The following CPNE4 variants were observed in gnomAD, a reference collection of about 807,000 sequenced individuals.
The protein encoded by CPNE4 is copine-4.
A neutral mutation model predicts 67.9 loss-of-function variants in CPNE4; 25 were observed. The ratio of observed to expected loss-of-function variants is 0.37; its 90% CI spans 0.27 to 0.51. The LOEUF is 0.51. Among genes scored for constraint, CPNE4 ranks in the 20% least tolerant of loss-of-function variants. The pLI, the probability that CPNE4 is intolerant of heterozygous loss-of-function variation, is 0.93. For missense variants in CPNE4, 464 were observed against 690.8 expected (o/e 0.67, Z 3.68); for synonymous variants, 242 against 244.9 (o/e 0.99, Z 0.11).
chr3:131,863,079 G>A (rs1583352768), intron 2 of CPNE4, among the ~76,000 whole-genome samples: 1 of 152,036 alleles, frequency 6.6e-6, no homozygotes, highest in South Asian at 2.1e-4. Context: ...TGGTGTATAT[G>A]TGCCACATTT....
chr3:131,982,924 A>G (rs890473923), intron 1 of CPNE4, among the ~76,000 whole-genome samples: 1 of 152,076 alleles, frequency 6.6e-6, no homozygotes, highest in African/African-American at 2.4e-5. Context: ...TGCTTCTATT[A>G]AAGTGATAGA....
chr3:132,014,434 C>G (rs1257434435), intron 1 of CPNE4, among the ~76,000 whole-genome samples: 4 of 152,030 alleles, frequency 2.6e-5, no homozygotes, highest in Non-Finnish European at 4.4e-5. Flanking sequence ...GGGCTAGGGT[C>G]GCCTGAGGAG....
chr3:131,554,078 C>T (rs541456708), intron 12 of CPNE4, among the ~76,000 whole-genome samples: 1 of 152,212 alleles, frequency 6.6e-6, no homozygotes, highest in East Asian at 1.9e-4. Flanking sequence ...ATAGCTCTGT[C>T]CTCAGCCCTG....
In CPNE4 at chr3:131,955,138, G is replaced by A. The variant is rs1181913384; in HGVS notation, c.-1-49694C>T. 2.0e-5 allele frequency among the ~76,000 whole-genome samples: 3 copies of A among 151,334 alleles called. 1 individual carries two copies. Among genetic ancestry groups the A allele is most frequent in the Non-Finnish European group, 4.4e-5 (3 of 67,876 alleles). On this transcript the variant is annotated intron_variant, in intron 1 of 15. Transcript: ENST00000429747. ...TGTTTTGTTTTACTTTTAGTGGGAA[G>A]GGCTAGGATTTTCAGTACAAGGTAG...
At chr3:131,577,752 A>C (rs953551568) in intron 9 of CPNE4, among the ~76,000 whole-genome samples, 1 of 152,092 alleles carries the variant, frequency 6.6e-6, no homozygotes, top group African/African-American at 2.4e-5. Flanking sequence ...CACTTAAGCT[A>C]CACTGAATTT....
At chr3:131,594,355 T>C (rs576925040) in intron 7 of CPNE4, among the ~76,000 whole-genome samples, 1 of 152,270 alleles carries the variant, frequency 6.6e-6, no homozygotes, top group Non-Finnish European at 1.5e-5. Context: ...GATAGGCAAA[T>C]AGACCAATAG....
At chr3:131,971,215 G>A (rs2072492668) in intron 1 of CPNE4, among the ~76,000 whole-genome samples, 1 of 152,090 alleles carries the variant, frequency 6.6e-6, no homozygotes, top group South Asian at 2.1e-4. Context: ...TTTCTTACAG[G>A]GTGGGTCAAA....
At chr3:131,605,583 G>A (rs1939453469) in intron 7 of CPNE4, among the ~76,000 whole-genome samples, 1 of 152,074 alleles carries the variant, frequency 6.6e-6, no homozygotes, top group Non-Finnish European at 1.5e-5. Flanking sequence ...ATTTTAAACA[G>A]AGAAATGACA....
Position 132,009,164 on chromosome 3 carries a change from C to T in CPNE4, c.-2+25403G>A, listed in dbSNP as rs540845946. 3.9e-5 allele frequency among the ~76,000 whole-genome samples: 6 copies of T among 152,288 alleles called. No homozygotes were observed. In the South Asian group the frequency reaches 6.2e-4, roughly 16 times the overall value. On this transcript the variant is annotated intron_variant, in intron 1 of 15. Transcript: ENST00000429747. The stretch of plus-strand genomic sequence containing the variant: ...GAGCTGGCACTGGGTCACATGGCTG[C>T]TCTGTCTCTGTCTGTGGCATATGTC...
chr3:131,955,410 G>GTTTTTTTTTTTTTT (rs766033406), intron 1 of CPNE4, among the ~76,000 whole-genome samples: 736 of 41,900 alleles, frequency 0.018, 98 homozygotes, highest in Non-Finnish European at 0.024. Flanking sequence ...TGTATGTAAG[G>GTTTTTTTTTTTTTT]TTTTTTTTTT....
intron 1 of CPNE4, among the ~76,000 whole-genome samples, chr3:131,951,735 G>A (rs976240760): frequency 6.6e-6 from 1 of 152,210 alleles, no homozygotes; most frequent in African/African-American, 2.4e-5. Context: ...ACTGGTTTTC[G>A]TATTTTTTTG....
intron 2 of CPNE4, among the ~76,000 whole-genome samples, chr3:131,901,171 A>G (rs544351691): frequency 1.1e-4 from 17 of 152,248 alleles, no homozygotes; most frequent in African/African-American, 2.9e-4. Flanking sequence ...TTAGTTCATA[A>G]GAGTCCTTGC....
At chr3:131,575,245 A>T in intron 9 of CPNE4, 115 bp from the exon 10 acceptor site, 1 of 815,568 alleles carries the variant, frequency 1.2e-6, no homozygotes, top group Non-Finnish European at 2.1e-6. Context: ...AAGGGCAGAC[A>T]GACATCATTG....
intron 2 of CPNE4, among the ~76,000 whole-genome samples, chr3:131,877,108 A>G (rs1211374623): frequency 6.6e-6 from 1 of 151,732 alleles, no homozygotes; most frequent in Non-Finnish European, 1.5e-5. Context: ...TTTTGCATCT[A>G]GTAGTAACCA....
chr3:131,904,153 A>G (rs1340970642), intron 2 of CPNE4, among the ~76,000 whole-genome samples: 1 of 152,170 alleles, frequency 6.6e-6, no homozygotes, highest in Admixed American at 6.6e-5. Flanking sequence ...GTTAGGAAAC[A>G]TTCCAAGTGG....
At chr3:131,920,629 C>CA (rs1026379648) in intron 1 of CPNE4, among the ~76,000 whole-genome samples, 1,725 of 135,320 alleles carry the variant, frequency 0.013, 21 homozygotes, top group African/African-American at 0.041. Context: ...ATTTTAAATA[C>CA]AAAAAAAAAA....
chr3:131,905,122 ACAT>A (rs1395536170), intron 2 of CPNE4, 139 bp downstream of exon 2: 1 of 779,046 alleles, frequency 1.3e-6, no homozygotes, highest in Non-Finnish European at 2.1e-6. Flanking sequence ...CAACATCAAA[ACAT>A]CATGATAGAA....
At chr3:131,683,142 G>C (rs945034685) in intron 6 of CPNE4, among the ~76,000 whole-genome samples, 3 of 152,152 alleles carry the variant, frequency 2.0e-5, no homozygotes, top group Non-Finnish European at 4.4e-5. Flanking sequence ...CTGTGGCTGA[G>C]CTGGTACCTA....
At chr3:131,695,775 T>C (rs955066848) in intron 5 of CPNE4, among the ~76,000 whole-genome samples, 2 of 152,192 alleles carry the variant, frequency 1.3e-5, no homozygotes, top group African/African-American at 4.8e-5. Context: ...TCAAGACACT[T>C]TTAAAATCCA....
Sources: allele counts gnomAD v4.1 joint callset (sites outside exome capture counted in the v4.1 genomes callset), GRCh38; gene constraint gnomAD v4.1.1; transcripts MANE v1.5; gene names NCBI Gene and HGNC (gene_info 2026-07-23, HGNC 2026-07-21).